The following SLC16A10 variants were observed in gnomAD, a reference collection of about 807,000 sequenced individuals.
SLC16A10 encodes the protein monocarboxylate transporter 10.
SLC16A10 carries 27 observed loss-of-function variants against 40.0 expected under a neutral mutation model. The observed-to-expected ratio is 0.67, with a 90% CI of 0.50 to 0.93. The LOEUF (loss-of-function observed/expected upper bound fraction) is 0.93. SLC16A10 is among the 40% of genes least tolerant of loss of function. The probability of loss-of-function intolerance (pLI) is 0.00; values close to 1 mark genes in which losing one functional copy is unlikely to be tolerated. For missense variants in SLC16A10, 529 were observed against 658.2 expected, an observed-to-expected ratio of 0.80 and a Z score of 2.15; for synonymous variants, 213 against 249.8, an observed-to-expected ratio of 0.85 and a Z score of 1.39.
In SLC16A10 at chr6:111,223,146, G is replaced by A. The variant is rs1480215585; in HGVS notation, c.*911G>A. 1 of 152,176 alleles carries A rather than the reference G, an allele frequency of 6.6e-6. No individual in the cohort carries two copies. Among genetic ancestry groups the A allele is most frequent in the African/African-American group, 2.4e-5 (1 of 41,434 alleles). The allele number at this position is 152,176 out of a possible 1,614,324, so 9.4% of individuals were successfully genotyped here. ...AGGCACAAATTGGTGGAGGCTGGAG[G>A]ATGGGGAGGGGAGCAAAACCCTTTA... is the stretch of plus-strand genomic sequence containing the variant. On this transcript the variant is annotated 3_prime_UTR_variant, in exon 6 of 6. Coordinates refer to ENST00000368851, the MANE Select transcript of SLC16A10 (RefSeq NM_018593.5).
chr6:111,134,905 C>T (rs1242785087), intron 1 of SLC16A10, among the ~76,000 whole-genome samples: 1 of 152,138 alleles, frequency 6.6e-6, no homozygotes, highest in East Asian at 1.9e-4. Flanking sequence ...CATTGAGGGC[C>T]AGGAGGCTAA....
chr6:111,190,631 T>A (rs1772974204), intron 3 of SLC16A10, among the ~76,000 whole-genome samples: 1 of 152,246 alleles, frequency 6.6e-6, no homozygotes, highest in African/African-American at 2.4e-5. Context: ...AATTCTTGAT[T>A]TCTGTGCACC....
chr6:111,200,579 T>C (rs1773151710), intron 3 of SLC16A10, among the ~76,000 whole-genome samples: 1 of 152,090 alleles, frequency 6.6e-6, no homozygotes, highest in African/African-American at 2.4e-5. Flanking sequence ...ACACAAATCG[T>C]TTAAAAAAGA....
chr6:111,128,515 C>G (rs760915405), intron 1 of SLC16A10, among the ~76,000 whole-genome samples: 6 of 152,178 alleles, frequency 3.9e-5, no homozygotes, highest in Non-Finnish European at 7.3e-5. Context: ...GCTGGCTGAT[C>G]AAGACACACT....
chr6:111,142,607 A>C (rs1772003573), intron 1 of SLC16A10, among the ~76,000 whole-genome samples: 1 of 152,256 alleles, frequency 6.6e-6, no homozygotes. Context: ...GATGGCAAAT[A>C]AGCATATGCA....
chr6:111,208,242 G>A (rs1773286975), intron 4 of SLC16A10, among the ~76,000 whole-genome samples: 1 of 152,094 alleles, frequency 6.6e-6, no homozygotes, highest in East Asian at 1.9e-4. Flanking sequence ...GCCTCCCAAA[G>A]TGCTGGGATT....
chr6:111,149,438 G>A (rs1165799084), intron 1 of SLC16A10, among the ~76,000 whole-genome samples: 1 of 152,172 alleles, frequency 6.6e-6, no homozygotes, highest in Non-Finnish European at 1.5e-5. Flanking sequence ...GTGAAGTCTT[G>A]TTCATCATAA....
At chr6:111,093,041 C>CAA (rs773591090) in intron 1 of SLC16A10, among the ~76,000 whole-genome samples, 12,689 of 114,430 alleles carry the variant, frequency 0.11, 693 homozygotes, top group Non-Finnish European at 0.15. Flanking sequence ...AACTCCGTCT[C>CAA]AAAAAAAAAA....
chr6:111,122,323 G>C (rs1771598787), intron 1 of SLC16A10, among the ~76,000 whole-genome samples: 2 of 152,216 alleles, frequency 1.3e-5, no homozygotes, highest in South Asian at 4.1e-4. Context: ...AAACTGCAGA[G>C]ACAAAGAAGA....
intron 5 of SLC16A10, among the ~76,000 whole-genome samples, chr6:111,219,688 C>T (rs1171270161): frequency 6.6e-6 from 1 of 152,092 alleles, no homozygotes; most frequent in African/African-American, 2.4e-5. Flanking sequence ...ATCTACAGTG[C>T]AATATTATTC....
intron 4 of SLC16A10, among the ~76,000 whole-genome samples, chr6:111,218,510 C>T (rs1016909660): frequency 1.1e-4 from 17 of 152,058 alleles, no homozygotes; most frequent in African/African-American, 2.9e-4. Context: ...ACCTGGGAAG[C>T]GGAGGTTGTA....
rs1387572649 is a variant in SLC16A10 at position 111,172,812 on chromosome 6, T to C, written c.461T>C (p.Val154Ala). The C allele has an allele frequency of 2.5e-6, 4 of 1,614,154 alleles. No individual in the cohort carries two copies. The highest frequency in any genetic ancestry group is 3.4e-6 in the Non-Finnish European group (4 of 1,179,982). The change falls in exon 2 of 6, where the codon GTT (valine) becomes GCT (alanine). Residue 154 changes from valine to alanine, a missense_variant. By Grantham distance (64) the Val-to-Ala change is moderately conservative. Coordinates refer to ENST00000368851, the MANE Select transcript of SLC16A10 (RefSeq NM_018593.5). ...TAVVGAAVGF[V>A]GLMSSSFVSS... ...GTCGTGGGTGCTGCTGTTGGATTTG[T>C]TGGGCTCATGTCCAGTTCTTTTGTA...
intron 1 of SLC16A10, among the ~76,000 whole-genome samples, chr6:111,114,212 C>G (rs182456711): frequency 7.1e-4 from 108 of 152,248 alleles, no homozygotes; most frequent in Non-Finnish European, 1.2e-3. Flanking sequence ...TAAATGTCTT[C>G]TAATGCTGTG....
At position 111,225,466 on chromosome 6, in the gene SLC16A10, G is replaced by A. The variant is rs1295799983; in HGVS notation, c.*3231G>A. On this transcript the variant is annotated 3_prime_UTR_variant, in exon 6 of 6. Coordinates refer to ENST00000368851, the MANE Select transcript of SLC16A10 (RefSeq NM_018593.5). ...AGCTACTCGGGAAGCTGAGGCAGGA[G>A]AAGAATCCAGGAGGCAGAGGTTGCA... The A allele has an allele frequency of 1.3e-5, 2 of 149,058 alleles. No homozygotes were observed. The highest frequency in any genetic ancestry group is 2.5e-5 in the African/African-American group (1 of 40,290). The allele number at this position is 149,058 out of a possible 1,614,324, so 9.2% of individuals were successfully genotyped here.
intron 3 of SLC16A10, among the ~76,000 whole-genome samples, chr6:111,182,484 C>T (rs1772816766): frequency 7.5e-6 from 1 of 132,712 alleles, no homozygotes; most frequent in Non-Finnish European, 1.6e-5. Context: ...TGTCCTAGGG[C>T]TTGTCCCCTG....
At chr6:111,127,140 C>T (rs1351561612) in intron 1 of SLC16A10, among the ~76,000 whole-genome samples, 1 of 152,160 alleles carries the variant, frequency 6.6e-6, no homozygotes, top group Non-Finnish European at 1.5e-5. Context: ...ACAGGGCAAA[C>T]CTGGTAGGGT....
intron 1 of SLC16A10, among the ~76,000 whole-genome samples, chr6:111,128,001 C>T (rs558619212): frequency 1.3e-5 from 2 of 152,120 alleles, no homozygotes; most frequent in Non-Finnish European, 2.9e-5. Flanking sequence ...AATCCAGGCC[C>T]AATCCAAGAT....
chr6:111,154,985 T>C lies in SLC16A10; in HGVS notation c.344-17710T>C, dbSNP rs190879085. 2.6e-3 allele frequency among the ~76,000 whole-genome samples: 364 copies of C among 138,530 alleles called. 2 individuals carry two copies. The highest frequency in any genetic ancestry group is 9.5e-3 in the African/African-American group (344 of 36,202). The allele number at this position is 138,530 out of a possible 152,430, so 90.9% of individuals were successfully genotyped here. A position where few individuals can be genotyped will look rare whatever the true frequency, so the allele number is the denominator to read the frequency against. On this transcript the variant is annotated intron_variant, in intron 1 of 5. Coordinates refer to ENST00000368851, the MANE Select transcript of SLC16A10 (RefSeq NM_018593.5). ...TTGCAGTGAACTGAAATCACACCACTGCACTCCAGCTTGGGTGACAGAACA... is the reference window on the plus strand; with the variant it reads ...TTGCAGTGAACTGAAATCACACCACCGCACTCCAGCTTGGGTGACAGAACA...
rs945362560 is a variant in SLC16A10, at chr6:111,222,515, A to C, written c.*280A>C. 1.5e-5 allele frequency: 5 copies of C among 327,182 alleles called. No individual in the cohort carries two copies. 20.3% of individuals were successfully genotyped at this position (327,182 alleles called of 1,614,324 possible). On this transcript the variant is annotated 3_prime_UTR_variant, in exon 6 of 6. Coordinates refer to ENST00000368851, the MANE Select transcript of SLC16A10 (RefSeq NM_018593.5). The stretch of plus-strand genomic sequence containing the variant: ...TATCTCAGTAAAAAGCAGCTTTGGA[A>C]ACTGTGAATGATCTTTAGCTTGTAC...
Sources: allele counts gnomAD v4.1 joint callset (sites outside exome capture counted in the v4.1 genomes callset), GRCh38; gene constraint gnomAD v4.1.1; transcripts MANE v1.5; gene names NCBI Gene and HGNC (gene_info 2026-07-23, HGNC 2026-07-21).